Variants in GLRA3 observed in about 807,000 individuals in gnomAD.
The protein encoded by GLRA3 is glycine receptor alpha 3, also known as glycine receptor subunit alpha-3.
Under a neutral mutation model 60.4 loss-of-function variants are expected in GLRA3, and 44 were observed. The ratio of observed to expected loss-of-function variants is 0.73; its 90% CI spans 0.57 to 0.94. The LOEUF (loss-of-function observed/expected upper bound fraction) is 0.94, where lower values mean the gene tolerates loss of function less well. Ranked by LOEUF, GLRA3 falls within the 40% of genes least tolerant of loss-of-function variation. GLRA3 has a pLI of 0.00. For missense variants in GLRA3, 508 were observed against 564.6 expected (o/e 0.90, Z 1.02); for synonymous variants, 223 against 192.9 (o/e 1.16, Z -1.29).
intron 5 of GLRA3, among the ~76,000 whole-genome samples, chr4:174,706,229 CAG>C (rs1735516892): frequency 7.7e-6 from 1 of 130,272 alleles, no homozygotes; most frequent in Non-Finnish European, 1.6e-5. Flanking sequence ...GACTCCGTCT[CAG>C]AAAAAAAAAA....
rs1737875472 is a variant in GLRA3 at position 174,759,959 on chromosome 4, T to C, written c.267+7004A>G. ...TGCACTTGGGTGAGAGAAGAATTTC[T>C]TATGGCAAAGAAGCATAGAGTATTA... On this transcript the variant is annotated intron_variant, in intron 3 of 9. Transcript: ENST00000274093. 2.0e-5 allele frequency among the ~76,000 whole-genome samples: 3 copies of C among 152,174 alleles called. No individual in the cohort carries two copies. The South Asian group carries it at 6.2e-4, about 31-fold the overall frequency.
chr4:174,666,794 T>C (rs970411590), intron 7 of GLRA3, among the ~76,000 whole-genome samples: 21 of 147,474 alleles, frequency 1.4e-4, no homozygotes, highest in Non-Finnish European at 3.1e-4. Flanking sequence ...TGGATTTTAT[T>C]GCTGTCAGTC....
At chr4:174,692,933 CAATAAAAAAAA>C (rs1286997147) in intron 5 of GLRA3, among the ~76,000 whole-genome samples, 3 of 142,140 alleles carry the variant, frequency 2.1e-5, no homozygotes, top group Non-Finnish European at 3.1e-5. Flanking sequence ...CAAAAATGAT[CAATAAAAAAAA>C]AATAAAAAAA....
intron 1 of GLRA3, among the ~76,000 whole-genome samples, chr4:174,824,312 T>A (rs1433767465): frequency 6.6e-6 from 1 of 152,218 alleles, no homozygotes; most frequent in Non-Finnish European, 1.5e-5. Flanking sequence ...TCATTGTTTC[T>A]TTACATAGCT....
intron 1 of GLRA3, among the ~76,000 whole-genome samples, chr4:174,804,265 G>A (rs1214562102): frequency 2.0e-5 from 3 of 152,178 alleles, no homozygotes; most frequent in African/African-American, 4.8e-5. Flanking sequence ...GAAAGAGTAC[G>A]GAAAATACAA....
At chr4:174,677,054 T>C in intron 7 of GLRA3, 24 bp downstream of exon 7, 2 of 1,351,906 alleles carry the variant, frequency 1.5e-6, no homozygotes, top group South Asian at 2.3e-5. Flanking sequence ...TGCAAAGATG[T>C]GCATGCTCAT....
intron 3 of GLRA3, among the ~76,000 whole-genome samples, chr4:174,756,730 C>T (rs1737717833): frequency 1.3e-5 from 2 of 151,130 alleles, no homozygotes; most frequent in Admixed American, 6.6e-5. Flanking sequence ...CTGCAAGCTC[C>T]GCCTCCCGGG....
rs1739220571 is a variant in GLRA3, at chr4:174,788,830, CT to C, written c.184del (p.Arg62AspfsTer32). On this transcript the variant is annotated frameshift_variant, in exon 2 of 10. Transcript: ENST00000274093. LOFTEE classifies it high-confidence loss of function. ...AGAACAATTACCTTTAAAATTGGGT[CT>C]GATTCTTGCATCATATCCTGATGTC... ...GRTSGYDARI[R>X]PNFKGPPVNV... is the part of the protein sequence containing the mutation. 6.2e-7 allele frequency: 1 copy of C among 1,602,062 alleles called. No individual in the cohort carries two copies. The highest frequency in any genetic ancestry group is 8.5e-7 in the Non-Finnish European group (1 of 1,173,600).
At chr4:174,672,918 T>A (rs1217863781) in intron 7 of GLRA3, among the ~76,000 whole-genome samples, 1 of 152,054 alleles carries the variant, frequency 6.6e-6, no homozygotes, top group Non-Finnish European at 1.5e-5. Flanking sequence ...GTGCGTTGTG[T>A]ATAGTGTGTG....
Position 174,643,795 on chromosome 4 carries a change from C to T in GLRA3, c.1386G>A (p.Gln462=). Residue 462 remains glutamine (Q), a synonymous_variant, in exon 10 of 10, where the codon CAG becomes CAA. Coordinates refer to ENST00000274093, the MANE Select transcript of GLRA3 (RefSeq NM_006529.4). ...KILRHEDIHQ[Q]QD ...GCATGCCCCCAGAGACTTAATCTTGCTGCTGATGAATATCCTCATGCCTAA... is the reference window on the plus strand; with the variant it reads ...GCATGCCCCCAGAGACTTAATCTTGTTGCTGATGAATATCCTCATGCCTAA... The T allele has an allele frequency of 1.9e-6, 3 of 1,611,564 alleles. No homozygotes were observed. The highest frequency in any genetic ancestry group is 2.5e-6 in the Non-Finnish European group (3 of 1,178,282).
chr4:174,694,645 A>G (rs557292933), intron 5 of GLRA3, among the ~76,000 whole-genome samples: 4 of 152,324 alleles, frequency 2.6e-5, no homozygotes, highest in Admixed American at 1.3e-4. Context: ...AAAGATCTCA[A>G]ATTAACAGCT....
chr4:174,771,643 C>T (rs998326282), intron 2 of GLRA3, among the ~76,000 whole-genome samples: 1 of 152,002 alleles, frequency 6.6e-6, no homozygotes, highest in Admixed American at 6.6e-5. Context: ...CAGGAGGAAG[C>T]TACTATTAGA....
intron 2 of GLRA3, among the ~76,000 whole-genome samples, chr4:174,767,469 T>C (rs73006428): frequency 0.3 from 44,927 of 151,868 alleles, 7,665 homozygotes; most frequent in East Asian, 0.51. Flanking sequence ...AACCAGGCCT[T>C]CCCACCTCCA....
At chr4:174,701,828 G>A (rs970358697) in intron 5 of GLRA3, among the ~76,000 whole-genome samples, 5 of 152,152 alleles carry the variant, frequency 3.3e-5, no homozygotes, top group Admixed American at 3.3e-4. Context: ...ATTAGAAGAG[G>A]AGCCTCAAGA....
In GLRA3 at chr4:174,819,400, G is replaced by A. The variant is rs570297772; in HGVS notation, c.71+9341C>T. Among the ~76,000 whole-genome samples, 146 of 152,258 alleles carry A rather than the reference G, an allele frequency of 9.6e-4. 1 individual carries two copies. Among genetic ancestry groups the A allele is most frequent in the Non-Finnish European group, 5.7e-4 (39 of 68,016 alleles). Reference sequence around the variant, plus strand: ...AAAAGAAAACTTGAGGGCCCATGTGGAAATATCTCCATGAAGTTTGCCATA... The same window carrying A: ...AAAAGAAAACTTGAGGGCCCATGTGAAAATATCTCCATGAAGTTTGCCATA... On this transcript the variant is annotated intron_variant, in intron 1 of 9. Coordinates refer to ENST00000274093, the MANE Select transcript of GLRA3 (RefSeq NM_006529.4).
chr4:174,799,226 A>G (rs1240133755), intron 1 of GLRA3, among the ~76,000 whole-genome samples: 1 of 152,248 alleles, frequency 6.6e-6, no homozygotes, highest in African/African-American at 2.4e-5. Context: ...TGAAGAAACA[A>G]AGGTATATAG....
intron 5 of GLRA3, among the ~76,000 whole-genome samples, chr4:174,711,754 C>A (rs972279889): frequency 6.6e-6 from 1 of 152,074 alleles, no homozygotes; most frequent in Admixed American, 6.6e-5. Flanking sequence ...TACCAGCATG[C>A]CACTCAAGTG....
chr4:174,754,538 A>G (rs1737614048), intron 3 of GLRA3, among the ~76,000 whole-genome samples: 1 of 152,174 alleles, frequency 6.6e-6, no homozygotes, highest in Admixed American at 6.6e-5. Flanking sequence ...ATAATATCCT[A>G]CATGAACATT....
chr4:174,665,655 C>T (rs1733641341), intron 7 of GLRA3, among the ~76,000 whole-genome samples: 2 of 152,212 alleles, frequency 1.3e-5, no homozygotes, highest in South Asian at 4.2e-4. Context: ...CCAAATAACT[C>T]CATTGTATCA....
Sources: gnomAD v4.1 joint callset for allele counts (sites outside exome capture counted in the v4.1 genomes callset) on GRCh38, gnomAD v4.1.1 for gene constraint, MANE v1.5 for transcripts, NCBI Gene and HGNC (gene_info 2026-07-23, HGNC 2026-07-21) for gene names.